The following TENM2 variants were observed in gnomAD, a reference collection of about 807,000 sequenced individuals.
TENM2 encodes the protein teneurin-2.
Under a neutral mutation model 245.2 loss-of-function variants are expected in TENM2, and 52 were observed. That is an observed-to-expected ratio of 0.21 (90% CI 0.17 to 0.27). The LOEUF (loss-of-function observed/expected upper bound fraction) is 0.27. TENM2 is among the 10% of genes least tolerant of loss of function. The pLI is 1.00. For missense variants in TENM2, 3,046 were observed against 3,666.8 expected (o/e 0.83, Z 4.37); for synonymous variants, 1,363 against 1,438.9 (o/e 0.95, Z 1.19).
the TENM2 span, among the ~76,000 whole-genome samples, chr5:167,239,530 T>C: frequency 5.3e-5 from 8 of 152,136 alleles, no homozygotes; most frequent in Non-Finnish European, 1.0e-4. Flanking sequence ...ACGGTTGCCA[T>C]AGTGTCGGAA....
chr5:168,056,792 T>C (rs1307457207), intron 6 of TENM2, among the ~76,000 whole-genome samples: 2 of 152,186 alleles, frequency 1.3e-5, no homozygotes, highest in African/African-American at 2.4e-5. Flanking sequence ...TCTTATACCA[T>C]ATTTTTTTAC....
chr5:168,080,464 T>A (rs1791891827), intron 7 of TENM2, among the ~76,000 whole-genome samples: 2 of 152,202 alleles, frequency 1.3e-5, no homozygotes, highest in Non-Finnish European at 2.9e-5. Flanking sequence ...ATTTCTTGCC[T>A]CCTGCTAGCT....
chr5:167,403,660 C>T (rs1010465815), intron 2 of TENM2, among the ~76,000 whole-genome samples: 3 of 152,048 alleles, frequency 2.0e-5, no homozygotes, highest in East Asian at 1.9e-4. Context: ...GTAAAATATA[C>T]GTGGCAACTT....
At chr5:167,328,355 C>T (rs1315633814) in intron 1 of TENM2, among the ~76,000 whole-genome samples, 1 of 151,882 alleles carries the variant, frequency 6.6e-6, no homozygotes, top group Non-Finnish European at 1.5e-5. Context: ...TACAGGCACG[C>T]ACCACCATGC....
chr5:167,960,908 T>G (rs1780962740), intron 4 of TENM2, among the ~76,000 whole-genome samples: 1 of 152,158 alleles, frequency 6.6e-6, no homozygotes, highest in Non-Finnish European at 1.5e-5. Context: ...GAATGCACCA[T>G]TCCTCACAGC....
chr5:168,112,615 G>C (rs1359148656), intron 9 of TENM2, among the ~76,000 whole-genome samples: 1 of 112,938 alleles, frequency 8.9e-6, no homozygotes, highest in South Asian at 3.4e-4. Context: ...GCGGGGGGGG[G>C]GTCAAACTTT....
chr5:167,838,372 T>C (rs1352330542), intron 2 of TENM2, among the ~76,000 whole-genome samples: 1 of 152,210 alleles, frequency 6.6e-6, no homozygotes, highest in African/African-American at 2.4e-5. Flanking sequence ...GCTTGAAAAC[T>C]GTCAGTACTA....
At chr5:168,235,844 A>G (rs1765382807) in intron 25 of TENM2, among the ~76,000 whole-genome samples, 1 of 151,624 alleles carries the variant, frequency 6.6e-6, no homozygotes, top group Non-Finnish European at 1.5e-5. Context: ...GTGCTTTGGG[A>G]AAAATGTACG....
the TENM2 span, among the ~76,000 whole-genome samples, chr5:167,056,604 T>C: frequency 6.8e-6 from 1 of 146,624 alleles, no homozygotes; most frequent in Non-Finnish European, 1.5e-5. Context: ...TAAATATATA[T>C]CTATATAAAT....
intron 2 of TENM2, among the ~76,000 whole-genome samples, chr5:167,415,334 G>T (rs778527118): frequency 6.6e-5 from 10 of 151,936 alleles, no homozygotes; most frequent in Non-Finnish European, 1.5e-4. Flanking sequence ...CATATTTGTA[G>T]CATGTATTTT....
intron 19 of TENM2, among the ~76,000 whole-genome samples, chr5:168,205,371 T>C (rs971577405): frequency 6.6e-5 from 10 of 151,314 alleles, no homozygotes; most frequent in Non-Finnish European, 8.8e-5. Flanking sequence ...TTTGTGTTTG[T>C]GTTCTGGTAA....
At chr5:168,180,033 T>C (rs1267001450) in intron 13 of TENM2, among the ~76,000 whole-genome samples, 1 of 152,224 alleles carries the variant, frequency 6.6e-6, no homozygotes, top group Admixed American at 6.5e-5. Context: ...GGCTCTGAAC[T>C]GATATGCTAG....
the TENM2 span, among the ~76,000 whole-genome samples, chr5:167,264,105 CA>C: frequency 0.15 from 16,329 of 106,948 alleles, 1,039 homozygotes; most frequent in East Asian, 0.41. Flanking sequence ...AACTCTGTCT[CA>C]AAAAAAAAAA....
intron 2 of TENM2, among the ~76,000 whole-genome samples, chr5:167,764,125 G>A (rs1762850947): frequency 6.6e-6 from 1 of 151,972 alleles, no homozygotes; most frequent in Admixed American, 6.6e-5. Flanking sequence ...CATTCCAGCT[G>A]TGACAAAGAG....
intron 26 of TENM2, among the ~76,000 whole-genome samples, chr5:168,245,573 A>AT (rs60972611): frequency 0.13 from 6,735 of 51,380 alleles, 173 homozygotes; most frequent in Middle Eastern, 0.19. Flanking sequence ...GAGTGGCGGT[A>AT]AAAAAAAAAA....
chr5:167,525,349 G>A (rs1305695560), intron 2 of TENM2, among the ~76,000 whole-genome samples: 1 of 152,066 alleles, frequency 6.6e-6, no homozygotes, highest in Non-Finnish European at 1.5e-5. Flanking sequence ...CTTTTTGAAA[G>A]GTCAGATTCT....
At chr5:167,009,833 A>G in the TENM2 span, among the ~76,000 whole-genome samples, 1 of 152,190 alleles carries the variant, frequency 6.6e-6, no homozygotes, top group Non-Finnish European at 1.5e-5. Context: ...TTTTCCATCC[A>G]TCACATTGGT....
chr5:167,407,455 ATATT>A (rs1349507671), intron 2 of TENM2, among the ~76,000 whole-genome samples: 1 of 152,122 alleles, frequency 6.6e-6, no homozygotes, highest in Non-Finnish European at 1.5e-5. Flanking sequence ...AGATATCAAT[ATATT>A]TTTTAACACT....
intron 3 of TENM2, among the ~76,000 whole-genome samples, chr5:167,906,966 C>T (rs917379868): frequency 2.0e-5 from 3 of 152,202 alleles, no homozygotes; most frequent in Non-Finnish European, 4.4e-5. Flanking sequence ...GGCGCAGTGG[C>T]TCACGCCTGT....
Sources: gnomAD v4.1 joint callset for allele counts (sites outside exome capture counted in the v4.1 genomes callset) on GRCh38, gnomAD v4.1.1 for gene constraint, MANE v1.5 for transcripts, NCBI Gene and HGNC (gene_info 2026-07-23, HGNC 2026-07-21) for gene names.